Variants in OLFM3 observed in about 807,000 individuals in gnomAD.
The protein encoded by OLFM3 is olfactomedin 3.
Under a neutral mutation model 48.6 loss-of-function variants are expected in OLFM3, and 20 were observed. The ratio of observed to expected loss-of-function variants is 0.41; its 90% CI spans 0.29 to 0.60. OLFM3 has a LOEUF of 0.60. OLFM3 is among the 20% of genes least tolerant of loss of function. OLFM3 has a pLI of 0.28. For synonymous variants in OLFM3, 222 were observed against 198.1 expected, an observed-to-expected ratio of 1.12 and a Z score of -1.01; for missense variants, 437 against 544.3, an observed-to-expected ratio of 0.80 and a Z score of 1.96.
intron 1 of OLFM3, among the ~76,000 whole-genome samples, chr1:101,980,266 GAA>G (rs1183479270): frequency 6.6e-6 from 1 of 152,098 alleles, no homozygotes; most frequent in Non-Finnish European, 1.5e-5. Flanking sequence ...GATTGGTTTT[GAA>G]ATATGAAAAG....
At chr1:101,951,690 G>T (rs1284513256) in intron 1 of OLFM3, among the ~76,000 whole-genome samples, 1 of 152,146 alleles carries the variant, frequency 6.6e-6, no homozygotes, top group African/African-American at 2.4e-5. Context: ...TAGCAAACAT[G>T]CACTATTCTT....
chr1:101,984,337 A>G (rs1661177888), intron 1 of OLFM3, among the ~76,000 whole-genome samples: 1 of 151,514 alleles, frequency 6.6e-6, no homozygotes, highest in Non-Finnish European at 1.5e-5. Context: ...TATTTTTTAT[A>G]TTATAAATGT....
At chr1:101,898,987 T>C (rs1402399014) in intron 1 of OLFM3, among the ~76,000 whole-genome samples, 10 of 152,210 alleles carry the variant, frequency 6.6e-5, no homozygotes, top group African/African-American at 2.2e-4. Flanking sequence ...AAAGCAATTA[T>C]ATGAAGTATT....
In OLFM3 at chr1:101,836,964, C is replaced by A; in HGVS notation, c.131G>T (p.Arg44Leu). Residue 44 changes from arginine (R) to leucine (L), a missense_variant, in exon 2 of 6, where the codon CGG (arginine) becomes CTG (leucine). Around this residue, in one of 3 missense-constraint regions of OLFM3, gnomAD observed 314 missense variants for 365.5 expected, o/e 0.86. Coordinates refer to ENST00000370103, the MANE Select transcript of OLFM3 (RefSeq NM_058170.4). ...VYSSAQDPDGRCICTVVAPEQ... is the reference protein window; with the variant it reads ...VYSSAQDPDGLCICTVVAPEQ... ...TGGAGCAACAACTGTGCAAATGCACCGCCCATCAGGATCCTGAGCTGAGCT... is the reference window on the plus strand; with the variant it reads ...TGGAGCAACAACTGTGCAAATGCACAGCCCATCAGGATCCTGAGCTGAGCT... The A allele has an allele frequency of 9.9e-6, 16 of 1,614,034 alleles. No individual in the cohort carries two copies. Among genetic ancestry groups the A allele is most frequent in the Non-Finnish European group, 1.4e-5 (16 of 1,179,974 alleles).
chr1:101,956,085 G>GTTTTTTTTTTTT (rs1570664391), intron 1 of OLFM3, among the ~76,000 whole-genome samples: 1 of 74,980 alleles, frequency 1.3e-5, no homozygotes, highest in African/African-American at 8.0e-5. Context: ...CACAATAACA[G>GTTTTTTTTTTTT]GTTTTTTTTT....
chr1:101,829,456 A>C (rs1247090500), intron 3 of OLFM3, among the ~76,000 whole-genome samples: 1 of 152,124 alleles, frequency 6.6e-6, no homozygotes, highest in Non-Finnish European at 1.5e-5. Flanking sequence ...TCTGGGTAAA[A>C]CTTTAAAACC....
At chr1:101,858,261 T>G (rs1390707322) in intron 1 of OLFM3, among the ~76,000 whole-genome samples, 1 of 152,040 alleles carries the variant, frequency 6.6e-6, no homozygotes, top group East Asian at 1.9e-4. Flanking sequence ...ACCAAAAATA[T>G]ATGTAGAATT....
chr1:101,898,192 A>T (rs1355967397), intron 1 of OLFM3, among the ~76,000 whole-genome samples: 1 of 151,986 alleles, frequency 6.6e-6, no homozygotes, highest in African/African-American at 2.4e-5. Flanking sequence ...GGATGAGTTT[A>T]AAAAACTGAT....
At chr1:101,841,683 T>C (rs544884704) in intron 1 of OLFM3, among the ~76,000 whole-genome samples, 1 of 152,300 alleles carries the variant, frequency 6.6e-6, no homozygotes, top group East Asian at 1.9e-4. Context: ...AGGGTCTAGA[T>C]GGAGGGACAG....
chr1:101,845,571 T>C (rs1237015178), intron 1 of OLFM3, among the ~76,000 whole-genome samples: 1 of 152,234 alleles, frequency 6.6e-6, no homozygotes, highest in East Asian at 1.9e-4. Context: ...ATTGGCTCAG[T>C]AAATATTAGA....
intron 1 of OLFM3, among the ~76,000 whole-genome samples, chr1:101,947,696 T>G (rs2101066773): frequency 6.6e-6 from 1 of 152,318 alleles, no homozygotes; most frequent in South Asian, 2.1e-4. Context: ...GTTCATAAAC[T>G]TTTAGTCATT....
At chr1:101,866,363 A>G (rs955567452) in intron 1 of OLFM3, among the ~76,000 whole-genome samples, 21 of 152,154 alleles carry the variant, frequency 1.4e-4, no homozygotes, top group African/African-American at 5.1e-4. Flanking sequence ...CCAAAATAAA[A>G]TATCTTCAAT....
chr1:101,963,254 G>A (rs1249475127), intron 1 of OLFM3, among the ~76,000 whole-genome samples: 2 of 152,130 alleles, frequency 1.3e-5, no homozygotes, highest in Non-Finnish European at 2.9e-5. Context: ...TGACAAACTC[G>A]AGGAGTACAG....
chr1:101,902,210 T>G (rs1658410676), intron 1 of OLFM3, among the ~76,000 whole-genome samples: 1 of 151,982 alleles, frequency 6.6e-6, no homozygotes, highest in Non-Finnish European at 1.5e-5. Flanking sequence ...GCATGGTTGG[T>G]GAAGGACAAC....
At position 101,804,887 on chromosome 1, in the gene OLFM3, T is replaced by C; in HGVS notation, c.728A>G (p.Asn243Ser). 1 of 1,611,566 alleles carries C rather than the reference T, an allele frequency of 6.2e-7. No homozygotes were observed. Among genetic ancestry groups the C allele is most frequent in the Non-Finnish European group, 8.5e-7 (1 of 1,178,702 alleles). Reference sequence around the variant, plus strand: ...TGATTTGTATTCACGAACAATTTTATTGTTAGTATAACTGTCCATGTACCA... The same window carrying C: ...TGATTTGTATTCACGAACAATTTTACTGTTAGTATAACTGTCCATGTACCA... ...RVWYMDSYTN[N>S]KIVREYKSIA... Residue 243 changes from asparagine (N) to serine (S), a missense_variant, in exon 6 of 6, where the codon AAT (asparagine) becomes AGT (serine). Asn to Ser is a conservative substitution (Grantham distance 46). Transcript: ENST00000370103. This position sits in a 1 kb window ranked among gnomAD's most constrained non-coding sequence, Gnocchi z 4.5.
intron 1 of OLFM3, among the ~76,000 whole-genome samples, chr1:101,868,875 AG>A (rs1456864569): frequency 6.6e-6 from 1 of 152,186 alleles, no homozygotes; most frequent in Non-Finnish European, 1.5e-5. Context: ...GTTGCTTCAG[AG>A]GGTGCAAGCC....
rs908338776 is a variant in OLFM3 at position 101,803,030 on chromosome 1, T to C, written c.*1208A>G. ...AACAAGGGGTCGTTTTTCCATTTTG[T>C]TTTCTGAATTGGTTATTTACACTTT... On this transcript the variant is annotated 3_prime_UTR_variant, in exon 6 of 6. Transcript: ENST00000370103. The C allele has an allele frequency of 1.3e-5, 2 of 151,920 alleles. No individual in the cohort carries two copies. Among genetic ancestry groups the C allele is most frequent in the East Asian group, 3.9e-4 (2 of 5,156 alleles). 9.4% of individuals were successfully genotyped at this position (151,920 alleles called of 1,614,324 possible). A position where few individuals can be genotyped will look rare whatever the true frequency, so the allele number is the denominator to read the frequency against.
At chr1:101,809,340 G>T (rs1452044970) in intron 4 of OLFM3, among the ~76,000 whole-genome samples, 1 of 151,866 alleles carries the variant, frequency 6.6e-6, no homozygotes, top group Non-Finnish European at 1.5e-5. Context: ...AAGAATATGA[G>T]CTTGTCACAT....
intron 1 of OLFM3, among the ~76,000 whole-genome samples, chr1:101,842,429 G>T (rs1184354897): frequency 1.3e-5 from 2 of 151,984 alleles, no homozygotes; most frequent in Non-Finnish European, 2.9e-5. Flanking sequence ...TACTCAGTGG[G>T]GTGAGATGGG....
Sources: allele counts gnomAD v4.1 joint callset (sites outside exome capture counted in the v4.1 genomes callset), GRCh38; gene constraint gnomAD v4.1.1; regional missense constraint gnomAD v4.1.1; non-coding constraint Gnocchi (gnomAD v3.1); transcripts MANE v1.5; gene names NCBI Gene and HGNC (gene_info 2026-07-23, HGNC 2026-07-21).